The following MYRIP variants were observed in gnomAD, a reference collection of about 807,000 sequenced individuals.
MYRIP encodes the protein rab effector MyRIP.
In MYRIP, 49 loss-of-function variants were observed where a neutral mutation model predicts 98.0. The observed-to-expected ratio is 0.50, with a 90% CI of 0.40 to 0.63. MYRIP has a LOEUF of 0.63. MYRIP is among the 30% of genes least tolerant of loss of function. The pLI is 0.00. For synonymous variants in MYRIP, 404 were observed against 409.5 expected (o/e 0.99, Z 0.16); for missense variants, 1,004 against 1,058.2 (o/e 0.95, Z 0.71).
At chr3:40,224,466 G>T (rs1056820697) in intron 11 of MYRIP, among the ~76,000 whole-genome samples, 1 of 151,432 alleles carries the variant, frequency 6.6e-6, no homozygotes, top group Non-Finnish European at 1.5e-5. Context: ...GCCAAGAAAG[G>T]AACTCCTCCT....
chr3:40,011,397 T>C (rs145617700), intron 2 of MYRIP, among the ~76,000 whole-genome samples: 5 of 152,338 alleles, frequency 3.3e-5, no homozygotes, highest in African/African-American at 7.2e-5. Context: ...TTCAGTGACC[T>C]AGGCTCACCG....
chr3:40,155,931 A>G lies in MYRIP; in HGVS notation c.469+4747A>G, dbSNP rs1341685909. ...GAGTAGGTTGCAAAAATTTTCTCCC[A>G]TTTTGTAGGTTGCCTGTTCACTCTG... On this transcript the variant is annotated intron_variant, in intron 4 of 16. Transcript: ENST00000302541. 4.4e-4 allele frequency among the ~76,000 whole-genome samples: 66 copies of G among 151,710 alleles called. 1 individual carries two copies. Among genetic ancestry groups the G allele is most frequent in the Admixed American group, 1.1e-3 (16 of 15,234 alleles).
intron 2 of MYRIP, among the ~76,000 whole-genome samples, chr3:39,937,565 C>T (rs1241509244): frequency 2.0e-5 from 3 of 152,178 alleles, no homozygotes; most frequent in Non-Finnish European, 4.4e-5. Flanking sequence ...CAATAACATA[C>T]AATGTGGCCT....
intron 1 of MYRIP, among the ~76,000 whole-genome samples, chr3:39,817,227 A>T (rs1428880899): frequency 2.0e-5 from 3 of 152,228 alleles, no homozygotes. Context: ...GACAGCCCTA[A>T]ACCTGGTAAG....
chr3:39,898,962 C>A (rs1943680509), intron 1 of MYRIP, among the ~76,000 whole-genome samples: 1 of 151,998 alleles, frequency 6.6e-6, no homozygotes, highest in Non-Finnish European at 1.5e-5. Context: ...ACCTTAAGGA[C>A]AATAGTATGC....
chr3:39,975,710 A>C lies in MYRIP; in HGVS notation c.111-68340A>C, dbSNP rs184978143. Among the ~76,000 whole-genome samples the C allele has an allele frequency of 4.6e-5, 7 of 152,266 alleles. No homozygotes were observed. In the East Asian group the frequency reaches 9.7e-4, roughly 21 times the overall value. The stretch of plus-strand genomic sequence containing the variant: ...TGGTACCAAAACAAAGATATAGACT[A>C]ATGGAACAGAACAGAGCCCTCAGAA... On this transcript the variant is annotated intron_variant, in intron 2 of 16. Coordinates refer to ENST00000302541, the MANE Select transcript of MYRIP (RefSeq NM_015460.4).
chr3:40,199,068 A>G lies in MYRIP; in HGVS notation c.1665+8605A>G, dbSNP rs187533918. On this transcript the variant is annotated intron_variant, in intron 10 of 16. Transcript: ENST00000302541. ...ACCAAAAATTTGTCTCTGAGTTACT[A>G]GAGGACAATAAAAGGAGAGTGACAT... is the stretch of plus-strand genomic sequence containing the variant. 1.4e-3 allele frequency among the ~76,000 whole-genome samples: 208 copies of G among 152,308 alleles called. 1 individual carries two copies. The highest frequency in any genetic ancestry group is 4.8e-3 in the African/African-American group (199 of 41,576).
intron 3 of MYRIP, among the ~76,000 whole-genome samples, chr3:40,149,623 C>T (rs1307304605): frequency 3.3e-5 from 5 of 152,230 alleles, no homozygotes; most frequent in Non-Finnish European, 1.5e-5. Flanking sequence ...ACCAAGAGGC[C>T]TCATTATTGT....
At chr3:40,180,577 A>G (rs1950861830) in intron 8 of MYRIP, among the ~76,000 whole-genome samples, 1 of 152,218 alleles carries the variant, frequency 6.6e-6, no homozygotes, top group African/African-American at 2.4e-5. Flanking sequence ...AACCTTATCG[A>G]CGCACAGTGT....
chr3:39,881,892 C>G (rs554759422), intron 1 of MYRIP, among the ~76,000 whole-genome samples: 11 of 152,040 alleles, frequency 7.2e-5, no homozygotes, highest in African/African-American at 2.4e-4. Flanking sequence ...TCTTCTTCTT[C>G]TTGTCTTTTT....
chr3:39,975,517 T>A (rs1455332298), intron 2 of MYRIP, among the ~76,000 whole-genome samples: 1 of 151,936 alleles, frequency 6.6e-6, no homozygotes, highest in Non-Finnish European at 1.5e-5. Flanking sequence ...AAGCTACCAA[T>A]GACTTTCTTC....
At chr3:40,033,818 A>G (rs946767363) in intron 2 of MYRIP, among the ~76,000 whole-genome samples, 4 of 152,102 alleles carry the variant, frequency 2.6e-5, no homozygotes, top group Non-Finnish European at 2.9e-5. Context: ...CTGACTTCAA[A>G]CTATACTACA....
intron 2 of MYRIP, among the ~76,000 whole-genome samples, chr3:39,925,747 T>G (rs1435365429): frequency 6.6e-6 from 1 of 152,180 alleles, no homozygotes; most frequent in Non-Finnish European, 1.5e-5. Context: ...GGTGCCTAAG[T>G]TGATTCCATG....
In MYRIP at chr3:40,203,714, T is replaced by C. The variant is rs1280975020; in HGVS notation, c.1666-6140T>C. Among the ~76,000 whole-genome samples the C allele has an allele frequency of 1.4e-3, 173 of 123,106 alleles. 2 individuals carry two copies. Among genetic ancestry groups the C allele is most frequent in the Non-Finnish European group, 1.3e-3 (82 of 61,894 alleles). The allele number at this position is 123,106 out of a possible 152,430, so 80.8% of individuals were successfully genotyped here. A position where few individuals can be genotyped will look rare whatever the true frequency, so the allele number is the denominator to read the frequency against. The stretch of plus-strand genomic sequence containing the variant: ...ATTTATATTTTTATATTTTATATAT[T>C]TTTATATATTTATATATATTTATAT... On this transcript the variant is annotated intron_variant, in intron 10 of 16. Transcript: ENST00000302541.
At chr3:39,824,204 T>G (rs1559486660) in intron 1 of MYRIP, among the ~76,000 whole-genome samples, 1 of 152,172 alleles carries the variant, frequency 6.6e-6, no homozygotes, top group African/African-American at 2.4e-5. Flanking sequence ...CTATTCCACT[T>G]GTCTATGTGT....
At chr3:39,822,447 A>C (rs1250868590) in intron 1 of MYRIP, among the ~76,000 whole-genome samples, 1 of 151,444 alleles carries the variant, frequency 6.6e-6, no homozygotes, top group Non-Finnish European at 1.5e-5. Flanking sequence ...TTCTTAAAAC[A>C]TTATGAGATT....
intron 2 of MYRIP, among the ~76,000 whole-genome samples, chr3:39,973,359 A>C (rs1242875155): frequency 1.3e-5 from 2 of 152,190 alleles, no homozygotes; most frequent in Non-Finnish European, 2.9e-5. Flanking sequence ...TAACTATCCT[A>C]AATATATATG....
chr3:40,050,555 C>T lies in MYRIP; in HGVS notation c.332+6284C>T, dbSNP rs867764493. On this transcript the variant is annotated intron_variant, in intron 3 of 16. Coordinates refer to ENST00000302541, the MANE Select transcript of MYRIP (RefSeq NM_015460.4). ...TGATGAAAATATACAAGGAGATGAA[C>T]GTTGTTTTCATGCCTGCTAACATAA... Among the ~76,000 whole-genome samples, 14 of 152,162 alleles carry T rather than the reference C, an allele frequency of 9.2e-5. 1 individual carries two copies. In the Middle Eastern group the frequency reaches 0.02, roughly 222 times the overall value.
intron 1 of MYRIP, among the ~76,000 whole-genome samples, chr3:39,874,921 A>G (rs1359041959): frequency 6.6e-6 from 1 of 152,180 alleles, no homozygotes; most frequent in African/African-American, 2.4e-5. Context: ...GAATGGTACC[A>G]GTTCCTCCTT....
Sources: gnomAD v4.1 joint callset for allele counts (sites outside exome capture counted in the v4.1 genomes callset) on GRCh38, gnomAD v4.1.1 for gene constraint, MANE v1.5 for transcripts, NCBI Gene and HGNC (gene_info 2026-07-23, HGNC 2026-07-21) for gene names.